SCARA5: variants seen among roughly 807,000 people sequenced by gnomAD.
SCARA5 encodes scavenger receptor class A member 5, also known as scavenger receptor class A, member 5 (putative).
SCARA5 carries 45 observed loss-of-function variants against 46.3 expected under a neutral mutation model. That is an observed-to-expected ratio of 0.97 (90% CI 0.76 to 1.24). The LOEUF is 1.24. Among genes scored for constraint, SCARA5 ranks in the 50% most tolerant of loss-of-function variants. The pLI, the probability that SCARA5 is intolerant of heterozygous loss-of-function variation, is 0.00. For synonymous variants in SCARA5, 333 were observed against 306.5 expected (o/e 1.09, Z -0.90); for missense variants, 680 against 689.0 (o/e 0.99, Z 0.15).
intron 8 of SCARA5, among the ~76,000 whole-genome samples, chr8:27,874,756 C>G (rs1050467811): frequency 6.6e-6 from 1 of 152,160 alleles, no homozygotes; most frequent in Admixed American, 6.5e-5. Flanking sequence ...TGCCTGTTCC[C>G]ACCTACAAAT....
At chr8:27,898,637 C>G (rs1434514317) in intron 7 of SCARA5, among the ~76,000 whole-genome samples, 1 of 152,196 alleles carries the variant, frequency 6.6e-6, no homozygotes, top group East Asian at 1.9e-4. Context: ...TGAAATAGCT[C>G]TGGAGCATCT....
At chr8:27,923,780 G>A (rs1215053782) in intron 3 of SCARA5, among the ~76,000 whole-genome samples, 2 of 152,018 alleles carry the variant, frequency 1.3e-5, no homozygotes, top group African/African-American at 2.4e-5. Flanking sequence ...TCACCATGTT[G>A]GCCAGGATGG....
chr8:27,961,818 G>A (rs371959786), intron 3 of SCARA5, among the ~76,000 whole-genome samples: 4 of 152,020 alleles, frequency 2.6e-5, no homozygotes, highest in Admixed American at 1.3e-4. Context: ...AATGTCCCTG[G>A]GTAGCAATTC....
At chr8:27,988,433 A>G (rs1191077547) in intron 1 of SCARA5, among the ~76,000 whole-genome samples, 3 of 152,202 alleles carry the variant, frequency 2.0e-5, no homozygotes, top group Admixed American at 1.3e-4. Context: ...CAGCCTGTTG[A>G]CGCAACAATG....
intron 3 of SCARA5, among the ~76,000 whole-genome samples, chr8:27,945,187 A>C (rs1489362945): frequency 1.3e-5 from 2 of 152,064 alleles, no homozygotes; most frequent in Non-Finnish European, 2.9e-5. Flanking sequence ...AATTGAAAAA[A>C]AAAAAAGGAA....
intron 3 of SCARA5, among the ~76,000 whole-genome samples, chr8:27,928,283 C>T (rs1247794384): frequency 1.3e-5 from 2 of 152,206 alleles, no homozygotes; most frequent in African/African-American, 4.8e-5. Context: ...TCTGCCTGGC[C>T]TACTTTAAAT....
intron 3 of SCARA5, 139 bp from the exon 4 acceptor site, chr8:27,922,384 G>A (rs989942405): frequency 1.2e-5 from 7 of 590,248 alleles, no homozygotes; most frequent in African/African-American, 9.7e-5. Flanking sequence ...GTGGTGTGCT[G>A]AGCGCTTTAC....
intron 2 of SCARA5, among the ~76,000 whole-genome samples, chr8:27,970,559 A>G (rs1468668100): frequency 6.6e-6 from 1 of 152,228 alleles, no homozygotes; most frequent in Non-Finnish European, 1.5e-5. Context: ...AATGGGCATA[A>G]ATAGGCCTCT....
At chr8:27,991,836 C>G (rs1808789924) in intron 1 of SCARA5, among the ~76,000 whole-genome samples, 2 of 152,024 alleles carry the variant, frequency 1.3e-5, no homozygotes, top group South Asian at 4.2e-4. Flanking sequence ...CATGCACACG[C>G]ACAGACATGC....
intron 8 of SCARA5, among the ~76,000 whole-genome samples, chr8:27,873,221 C>T (rs1473620700): frequency 6.6e-6 from 1 of 152,186 alleles, no homozygotes; most frequent in East Asian, 1.9e-4. Context: ...CCACGCCGCC[C>T]CTAATCCCGC....
intron 7 of SCARA5, among the ~76,000 whole-genome samples, chr8:27,897,428 G>A (rs1009875469): frequency 1.3e-5 from 2 of 152,182 alleles, no homozygotes; most frequent in Admixed American, 6.5e-5. Context: ...ACATCTCAAC[G>A]TAAAAACTTT....
chr8:27,904,670 C>A, intron 7 of SCARA5, 108 bp downstream of exon 7: 1 of 1,010,646 alleles, frequency 9.9e-7, no homozygotes, highest in Non-Finnish European at 1.6e-6. Flanking sequence ...GACACTTGAG[C>A]CCCAGCCATG....
chr8:27,945,905 C>T (rs1341262020), intron 3 of SCARA5, among the ~76,000 whole-genome samples: 1 of 152,218 alleles, frequency 6.6e-6, no homozygotes, highest in Non-Finnish European at 1.5e-5. Context: ...AACAGTGCTA[C>T]ATCATGCTGG....
chr8:27,906,241 G>A (rs898110523), intron 6 of SCARA5, among the ~76,000 whole-genome samples: 2 of 152,186 alleles, frequency 1.3e-5, no homozygotes, highest in South Asian at 4.1e-4. Context: ...GGAGTAGAAA[G>A]CCTGGGGAAA....
At chr8:27,894,331 G>A (rs1807028391) in intron 7 of SCARA5, among the ~76,000 whole-genome samples, 1 of 152,210 alleles carries the variant, frequency 6.6e-6, no homozygotes, top group Non-Finnish European at 1.5e-5. Flanking sequence ...CTCTCAGGCT[G>A]AATGCTTAAG....
intron 3 of SCARA5, among the ~76,000 whole-genome samples, chr8:27,935,873 G>C (rs1296116646): frequency 6.6e-6 from 1 of 152,152 alleles, no homozygotes; most frequent in African/African-American, 2.4e-5. Flanking sequence ...AGGAAGGGGA[G>C]GTCCTGGGGA....
At chr8:27,935,292 G>A (rs1807836929) in intron 3 of SCARA5, among the ~76,000 whole-genome samples, 1 of 152,180 alleles carries the variant, frequency 6.6e-6, no homozygotes, top group African/African-American at 2.4e-5. Context: ...ACAGGCCTGG[G>A]CAGGAGACCA....
rs556142230 is a variant in SCARA5, at chr8:27,956,058, G to C, written c.241+10356C>G. On this transcript the variant is annotated intron_variant, in intron 3 of 8. Transcript: ENST00000354914. ...ATGATGTTTGTTAAATAACCAAGTG[G>C]GGAGGCCACGAGAAGGTGGAATTCT... Among the ~76,000 whole-genome samples the C allele has an allele frequency of 1.2e-3, 185 of 152,258 alleles. 1 individual carries two copies. Among genetic ancestry groups the C allele is most frequent in the Non-Finnish European group, 2.2e-3 (149 of 68,008 alleles).
intron 8 of SCARA5, among the ~76,000 whole-genome samples, chr8:27,873,556 C>T (rs1806674370): frequency 6.6e-6 from 1 of 152,174 alleles, no homozygotes; most frequent in East Asian, 1.9e-4. Context: ...CCACCCCTCC[C>T]CACCAGAGAA....
Sources: allele counts gnomAD v4.1 joint callset (sites outside exome capture counted in the v4.1 genomes callset), GRCh38; gene constraint gnomAD v4.1.1; transcripts MANE v1.5; gene names NCBI Gene and HGNC (gene_info 2026-07-23, HGNC 2026-07-21).